The following FBN2 variants were observed in gnomAD, a reference collection of about 807,000 sequenced individuals.
The protein encoded by FBN2 is fibrillin 2.
FBN2 carries 105 observed loss-of-function variants against 355.6 expected under a neutral mutation model. The ratio of observed to expected loss-of-function variants is 0.30; its 90% confidence interval spans 0.25 to 0.35. The LOEUF is 0.35. Among genes scored for constraint, FBN2 ranks in the 10% least tolerant of loss-of-function variants. FBN2 has a pLI of 1.00. For missense variants in FBN2, 3,280 were observed against 3,758.7 expected, an observed-to-expected ratio of 0.87 and a Z score of 3.33; for synonymous variants, 1,350 against 1,301.2, an observed-to-expected ratio of 1.04 and a Z score of -0.81.
chr5:128,305,466 G>C (rs763865925), intron 44 of FBN2, 45 bp downstream of exon 44: 2 of 1,608,822 alleles, frequency 1.2e-6, no homozygotes, highest in Non-Finnish European at 1.7e-6. Context: ...GAAATCTAAG[G>C]AATCTTGTGC....
At chr5:128,285,699 G>C (rs1042209487) in intron 55 of FBN2, among the ~76,000 whole-genome samples, 1 of 151,456 alleles carries the variant, frequency 6.6e-6, no homozygotes, top group Non-Finnish European at 1.5e-5. Context: ...AAGTCATCCA[G>C]ATCATTTATG....
intron 34 of FBN2, among the ~76,000 whole-genome samples, chr5:128,324,687 G>A (rs1016252438): frequency 4.0e-5 from 6 of 150,196 alleles, no homozygotes; most frequent in Non-Finnish European, 7.4e-5. Flanking sequence ...GCGTGATCTC[G>A]GCTCACTGCA....
At chr5:128,351,219 C>A in intron 20 of FBN2, among the ~76,000 whole-genome samples, 1 of 80,434 alleles carries the variant, frequency 1.2e-5, no homozygotes, top group Non-Finnish European at 2.8e-5. Flanking sequence ...CCATCTCCAC[C>A]AGAGGAAAAA....
intron 64 of FBN2, among the ~76,000 whole-genome samples, chr5:128,260,900 C>A (rs1037345297): frequency 2.0e-5 from 3 of 152,114 alleles, no homozygotes; most frequent in African/African-American, 7.2e-5. Context: ...GTGACGACCT[C>A]ATACTGTCTC....
intron 23 of FBN2, among the ~76,000 whole-genome samples, chr5:128,348,935 G>A (rs1477983126): frequency 6.6e-6 from 1 of 152,076 alleles, no homozygotes; most frequent in Non-Finnish European, 1.5e-5. Flanking sequence ...ATTTCAAGCA[G>A]AAGCAACATA....
At chr5:128,483,516 T>C (rs564540426) in intron 5 of FBN2, among the ~76,000 whole-genome samples, 1 of 151,968 alleles carries the variant, frequency 6.6e-6, no homozygotes, top group South Asian at 2.1e-4. Flanking sequence ...TTTTTTTTTT[T>C]AAATCTTGCA....
chr5:128,294,389 T>C (rs1749435355), intron 48 of FBN2, among the ~76,000 whole-genome samples: 1 of 152,188 alleles, frequency 6.6e-6, no homozygotes, highest in Non-Finnish European at 1.5e-5. Flanking sequence ...TACTTCTAGT[T>C]CTAGATCCCT....
intron 5 of FBN2, among the ~76,000 whole-genome samples, chr5:128,490,277 T>A (rs1483579483): frequency 6.6e-6 from 1 of 152,222 alleles, no homozygotes; most frequent in Non-Finnish European, 1.5e-5. Context: ...TCAACTCTGT[T>A]TTAACAGATG....
In FBN2 at chr5:128,280,317, T is replaced by C. The variant is rs1420174325; in HGVS notation, c.7013A>G (p.Asp2338Gly). The part of the protein sequence containing the change: ...ARRPDGEGCV[D>G]ENECRTKPGI... ...TGGCTTGGTCCTGCATTCATTTTCA[T>C]CTTTAGAAAAACAAACAATATGAAT... Residue 2338 changes from aspartate to glycine, a missense_variant and splice_region_variant, in exon 56 of 65, where the codon GAT (aspartate) becomes GGT (glycine). Around this residue, in one of 6 missense-constraint regions of FBN2, gnomAD observed 2,284 missense variants for 2,749.5 expected, o/e 0.83. Transcript: ENST00000262464. 1.2e-6 allele frequency: 2 copies of C among 1,609,296 alleles called. No homozygotes were observed. The highest frequency in any genetic ancestry group is 1.7e-5 in the Admixed American group (1 of 60,018).
intron 8 of FBN2, among the ~76,000 whole-genome samples, chr5:128,398,802 C>T (rs1420494711): frequency 6.6e-6 from 1 of 152,130 alleles, no homozygotes; most frequent in Non-Finnish European, 1.5e-5. Flanking sequence ...GGGGGCAGGA[C>T]TTTCCTGTGC....
At chr5:128,278,263 T>C (rs1765445424) in intron 57 of FBN2, among the ~76,000 whole-genome samples, 1 of 152,154 alleles carries the variant, frequency 6.6e-6, no homozygotes, top group East Asian at 1.9e-4. Context: ...AATCTAAGCA[T>C]GAATGATTTT....
chr5:128,287,956 T>C (rs760644461), intron 53 of FBN2, among the ~76,000 whole-genome samples: 1 of 152,164 alleles, frequency 6.6e-6, no homozygotes, highest in Non-Finnish European at 1.5e-5. Context: ...AAATCAAGAA[T>C]GCTAGTGAGT....
intron 5 of FBN2, among the ~76,000 whole-genome samples, chr5:128,493,287 G>T (rs7703313): frequency 0.33 from 50,381 of 152,032 alleles, 13,295 homozygotes; most frequent in African/African-American, 0.74. Context: ...GGTGAAAAGC[G>T]AAGGTGTATT....
intron 48 of FBN2, 54 bp from the exon 49 acceptor site, chr5:128,291,708 T>C: frequency 6.5e-7 from 1 of 1,531,660 alleles, no homozygotes; most frequent in Admixed American, 1.7e-5. Context: ...AATAAACAAT[T>C]GTCCATACTA....
intron 63 of FBN2, among the ~76,000 whole-genome samples, chr5:128,262,536 C>G (rs560999592): frequency 1.3e-5 from 2 of 152,298 alleles, no homozygotes; most frequent in Non-Finnish European, 2.9e-5. Context: ...AAGACAGGTT[C>G]CATTGTTTCA....
At position 128,259,905 on chromosome 5, in the gene FBN2, G is replaced by A. The variant is rs537367249; in HGVS notation, c.8365-76C>T. On this transcript the variant is annotated intron_variant, in intron 64 of 64. Coordinates refer to ENST00000262464, the MANE Select transcript of FBN2 (RefSeq NM_001999.4). ...GAGGACTAGAAAGAGATCAGCTGCA[G>A]GGGCTTTGGTCACGAGGACAGGCTG... 16 of 1,506,886 alleles carry A rather than the reference G, an allele frequency of 1.1e-5. No homozygotes were observed. The African/African-American group carries it at 2.1e-4, about 19-fold the overall frequency. 93.3% of individuals were successfully genotyped at this position (1,506,886 alleles called of 1,614,324 possible).
intron 63 of FBN2, among the ~76,000 whole-genome samples, chr5:128,262,603 G>A (rs1255346779): frequency 1.3e-5 from 2 of 152,184 alleles, no homozygotes; most frequent in African/African-American, 4.8e-5. Flanking sequence ...TAAAAACTGA[G>A]ATTTCTGAAC....
In FBN2 at chr5:128,536,651, G is replaced by A. The variant is rs150766796; in HGVS notation, c.255-167C>T. Reference sequence around the variant, plus strand: ...GGGAGGCAGACGTGGAAGCAAAAGAGCTAGATGCTGGAATGCAGGAGGGTC... The same window carrying A: ...GGGAGGCAGACGTGGAAGCAAAAGAACTAGATGCTGGAATGCAGGAGGGTC... On this transcript the variant is annotated intron_variant, in intron 1 of 64. Transcript: ENST00000262464. Among the ~76,000 whole-genome samples the A allele has an allele frequency of 2.4e-3, 364 of 152,284 alleles. 3 individuals carry two copies. The highest frequency in any genetic ancestry group is 8.4e-3 in the African/African-American group (348 of 41,556).
At chr5:128,344,535 G>A (rs1751117470) in intron 24 of FBN2, 25 bp from the exon 25 acceptor site, 1 of 1,611,926 alleles carries the variant, frequency 6.2e-7, no homozygotes, top group South Asian at 1.1e-5. Context: ...AAGCCAGAAT[G>A]TAGAGCCGGT....
Sources: allele counts gnomAD v4.1 joint callset (sites outside exome capture counted in the v4.1 genomes callset), GRCh38; gene constraint gnomAD v4.1.1; regional missense constraint gnomAD v4.1.1; transcripts MANE v1.5; gene names NCBI Gene and HGNC (gene_info 2026-07-23, HGNC 2026-07-21).